Variants in LAMA2 observed in about 807,000 individuals in gnomAD.
The protein encoded by LAMA2 is laminin subunit alpha-2.
Under a neutral mutation model 364.8 loss-of-function variants are expected in LAMA2, and 269 were observed. That is an observed-to-expected ratio of 0.74 (90% CI 0.67 to 0.82). The LOEUF (loss-of-function observed/expected upper bound fraction) is 0.82, where lower values mean the gene tolerates loss of function less well. LAMA2 is among the 40% of genes least tolerant of loss of function. The pLI, the probability that LAMA2 is intolerant of heterozygous loss-of-function variation, is 0.00. For missense variants in LAMA2, 3,807 were observed against 3,873.2 expected, an observed-to-expected ratio of 0.98 and a Z score of 0.45; for synonymous variants, 1,379 against 1,370.6, an observed-to-expected ratio of 1.01 and a Z score of -0.14.
Position 129,369,960 on chromosome 6 carries a change from C to T in LAMA2, c.4929C>T (p.Leu1643=), listed in dbSNP as rs778529249. Residue 1643 remains leucine (L), a synonymous_variant, in exon 34 of 65, where the codon CTC becomes CTT. Transcript: ENST00000421865. ...IQLAEGNLNT[L]VTEMNELLTR... ...TGGCAGAGGGCAATCTGAATACACT[C>T]GTGACCGAAATGAACGAGCTGCTGA... 1.2e-5 allele frequency: 19 copies of T among 1,614,042 alleles called. No individual in the cohort carries two copies. The East Asian group carries it at 2.2e-4, about 19-fold the overall frequency.
At chr6:129,258,000 AT>A (rs1203771534) in intron 14 of LAMA2, among the ~76,000 whole-genome samples, 1 of 151,972 alleles carries the variant, frequency 6.6e-6, no homozygotes, top group Non-Finnish European at 1.5e-5. Flanking sequence ...TTTTGTATAC[AT>A]TTATCTGTCT....
chr6:129,255,950 A>G (rs530355912), intron 14 of LAMA2, among the ~76,000 whole-genome samples: 38 of 152,120 alleles, frequency 2.5e-4, no homozygotes, highest in South Asian at 1.2e-3. Flanking sequence ...CCTTCCCATT[A>G]TCTTTGACTA....
At chr6:129,157,546 C>T in intron 8 of LAMA2, 1 of 1,612,474 alleles carries the variant, frequency 6.2e-7, no homozygotes, top group Non-Finnish European at 8.5e-7. Flanking sequence ...TCTTGGGATT[C>T]AACCATCTTG....
intron 32 of LAMA2, 106 bp from the exon 33 acceptor site, chr6:129,366,113 C>A: frequency 8.3e-7 from 1 of 1,200,430 alleles, no homozygotes; most frequent in Non-Finnish European, 1.2e-6. Context: ...TTTCATCTTC[C>A]ATGGAATTAT....
At chr6:129,296,848 T>C (rs776404344) in intron 20 of LAMA2, among the ~76,000 whole-genome samples, 1 of 152,176 alleles carries the variant, frequency 6.6e-6, no homozygotes, top group Non-Finnish European at 1.5e-5. Context: ...ATTTTTCTGC[T>C]CGGAGTGATT....
At chr6:129,013,165 G>A (rs1784864056) in intron 1 of LAMA2, among the ~76,000 whole-genome samples, 1 of 152,206 alleles carries the variant, frequency 6.6e-6, no homozygotes, top group African/African-American at 2.4e-5. Flanking sequence ...GCTGGGTGTG[G>A]TGGCTCACGC....
intron 45 of LAMA2, among the ~76,000 whole-genome samples, chr6:129,452,453 T>G (rs1034448882): frequency 6.6e-6 from 1 of 152,208 alleles, no homozygotes; most frequent in South Asian, 2.1e-4. Context: ...CTGAGTAGAA[T>G]GATTAATATT....
Position 129,515,963 on chromosome 6 carries a change from G to A in LAMA2, c.9212-227G>A, listed in dbSNP as rs117371968. The stretch of plus-strand genomic sequence containing the variant: ...TGAGGCTGCAGTAAGCCTTGATTGC[G>A]CCATTGCACTCCAGCCTGGGCAACA... On this transcript the variant is annotated intron_variant, in intron 64 of 64. Transcript: ENST00000421865. 3.1e-3 allele frequency among the ~76,000 whole-genome samples: 478 copies of A among 152,206 alleles called. 3 individuals are homozygous for A. Among genetic ancestry groups the A allele is most frequent in the South Asian group, 0.024 (115 of 4,830 alleles).
intron 42 of LAMA2, among the ~76,000 whole-genome samples, chr6:129,439,547 A>T (rs1014531307): frequency 2.6e-5 from 4 of 152,090 alleles, no homozygotes; most frequent in African/African-American, 7.2e-5. Flanking sequence ...CAATTTCTTT[A>T]ACTATTCCAA....
At chr6:129,254,861 A>G (rs746581710) in intron 14 of LAMA2, among the ~76,000 whole-genome samples, 1 of 152,184 alleles carries the variant, frequency 6.6e-6, no homozygotes, top group Non-Finnish European at 1.5e-5. Flanking sequence ...TGAAGCACCT[A>G]TATTAGATAT....
intron 1 of LAMA2, among the ~76,000 whole-genome samples, chr6:128,915,312 G>A (rs1436623158): frequency 6.6e-5 from 10 of 152,156 alleles, no homozygotes; most frequent in Non-Finnish European, 1.5e-4. Context: ...ATACACATAC[G>A]AATTTTCTCT....
rs142571961 is a variant in LAMA2, at chr6:128,981,642, C to T, written c.113-68276C>T. On this transcript the variant is annotated intron_variant, in intron 1 of 64. Coordinates refer to ENST00000421865, the MANE Select transcript of LAMA2 (RefSeq NM_000426.4). ...GGTTGAGCCTGTCGTCCCAGCTACTCAGGAGGCTGAGGTGGGAGGATCCCT... is the reference window on the plus strand; with the variant it reads ...GGTTGAGCCTGTCGTCCCAGCTACTTAGGAGGCTGAGGTGGGAGGATCCCT... 6.9e-3 allele frequency among the ~76,000 whole-genome samples: 1,041 copies of T among 150,672 alleles called. 12 individuals carry two copies. Among genetic ancestry groups the T allele is most frequent in the African/African-American group, 0.024 (975 of 41,018 alleles).
chr6:129,205,092 A>T (rs933486207), intron 12 of LAMA2, among the ~76,000 whole-genome samples: 1 of 152,052 alleles, frequency 6.6e-6, no homozygotes, highest in Admixed American at 6.6e-5. Context: ...AATCCAAAAA[A>T]AAAATCCAAA....
chr6:129,222,931 A>C (rs1783969500), intron 12 of LAMA2, among the ~76,000 whole-genome samples: 1 of 152,150 alleles, frequency 6.6e-6, no homozygotes, highest in African/African-American at 2.4e-5. Flanking sequence ...GTCTTCCACA[A>C]TGGTTGAACT....
rs369724867 is a variant in LAMA2 at position 129,291,691 on chromosome 6, G to A, written c.2827G>A (p.Val943Ile). 22 of 1,613,902 alleles carry A rather than the reference G, an allele frequency of 1.4e-5. No homozygotes were observed. The highest frequency in any genetic ancestry group is 1.8e-5 in the Non-Finnish European group (21 of 1,179,780). The change falls in exon 20 of 65, where the codon GTT becomes ATT. Residue 943 changes from valine (V) to isoleucine (I), a missense_variant. This residue lies in a region of LAMA2 where 3,333 missense variants were observed against 3,345.7 expected (regional missense o/e 1.00). Coordinates refer to ENST00000421865, the MANE Select transcript of LAMA2 (RefSeq NM_000426.4). ...QTGQCECRANVQGQRCDKCKA... is the reference protein window; with the variant it reads ...QTGQCECRANIQGQRCDKCKA... ...TGGACAGTGTGAGTGCAGAGCCAACGTTCAGGGTCAGAGATGTGACAAATG... is the reference window on the plus strand; with the variant it reads ...TGGACAGTGTGAGTGCAGAGCCAACATTCAGGGTCAGAGATGTGACAAATG...
intron 1 of LAMA2, among the ~76,000 whole-genome samples, chr6:128,943,275 G>C (rs897755942): frequency 0.16 from 4,053 of 25,096 alleles, 183 homozygotes; most frequent in African/African-American, 0.23. Context: ...TACACAGAGA[G>C]AGAGAGAGAG....
chr6:128,928,190 T>C (rs1353014818), intron 1 of LAMA2, among the ~76,000 whole-genome samples: 1 of 152,172 alleles, frequency 6.6e-6, no homozygotes, highest in Non-Finnish European at 1.5e-5. Flanking sequence ...TTAGAATTGG[T>C]CTCCCCATCT....
intron 32 of LAMA2, among the ~76,000 whole-genome samples, chr6:129,358,953 C>T (rs1213319844): frequency 6.6e-6 from 1 of 151,894 alleles, no homozygotes. Context: ...TCTTTAAGCC[C>T]TTCACATGCA....
intron 14 of LAMA2, among the ~76,000 whole-genome samples, chr6:129,257,309 GA>G (rs1390622689): frequency 1.3e-5 from 2 of 152,054 alleles, no homozygotes; most frequent in Non-Finnish European, 2.9e-5. Flanking sequence ...TGAACATTGG[GA>G]TTGCTCAGTG....
Sources: gnomAD v4.1 joint callset for allele counts (sites outside exome capture counted in the v4.1 genomes callset) on GRCh38, gnomAD v4.1.1 for gene constraint, gnomAD v4.1.1 regional missense constraint, MANE v1.5 for transcripts, NCBI Gene and HGNC (gene_info 2026-07-23, HGNC 2026-07-21) for gene names.